The following SUMF1 variants were observed in gnomAD, a reference collection of about 807,000 sequenced individuals.
SUMF1 encodes formylglycine-generating enzyme.
Under a neutral mutation model 47.6 loss-of-function variants are expected in SUMF1, and 48 were observed. The ratio of observed to expected loss-of-function variants is 1.01; its 90% CI spans 0.80 to 1.28. SUMF1 has a LOEUF of 1.28. Among genes scored for constraint, SUMF1 ranks in the 50% most tolerant of loss-of-function variants. The pLI, the probability that SUMF1 is intolerant of heterozygous loss-of-function variation, is 0.00. For synonymous variants in SUMF1, 230 were observed against 192.1 expected, an observed-to-expected ratio of 1.20 and a Z score of -1.63; for missense variants, 571 against 485.4, an observed-to-expected ratio of 1.18 and a Z score of -1.66.
At chr3:4,399,768 CT>C (rs1559274085) in intron 7 of SUMF1, among the ~76,000 whole-genome samples, 1 of 152,060 alleles carries the variant, frequency 6.6e-6, no homozygotes, top group African/African-American at 2.4e-5. Context: ...TCTTGTTTTT[CT>C]TTTTTTGAGA....
intron 8 of SUMF1, among the ~76,000 whole-genome samples, chr3:4,334,307 T>A (rs992308330): frequency 6.6e-6 from 1 of 152,208 alleles, no homozygotes; most frequent in Non-Finnish European, 1.5e-5. Flanking sequence ...AACGGTTGAT[T>A]TTTTTGCTTT....
chr3:4,204,816 G>T (rs1286003352), intron 8 of SUMF1, among the ~76,000 whole-genome samples: 1 of 117,176 alleles, frequency 8.5e-6, no homozygotes, highest in East Asian at 2.4e-4. Flanking sequence ...TCAGCTCCAG[G>T]ATCTCTGCTT....
intron 8 of SUMF1, among the ~76,000 whole-genome samples, chr3:4,089,611 C>T (rs745859991): frequency 9.2e-5 from 14 of 152,056 alleles, no homozygotes; most frequent in Non-Finnish European, 1.6e-4. Context: ...GGATAAAAAA[C>T]TAAATTGCAG....
chr3:4,059,974 G>C (rs1266634464), intron 9 of SUMF1, among the ~76,000 whole-genome samples: 1 of 152,244 alleles, frequency 6.6e-6, no homozygotes, highest in East Asian at 1.9e-4. Flanking sequence ...ACTGAAAGAA[G>C]GTGCAGGAAG....
intron 8 of SUMF1, among the ~76,000 whole-genome samples, chr3:4,218,208 T>C (rs1695980832): frequency 1.3e-5 from 2 of 152,044 alleles, no homozygotes; most frequent in Admixed American, 6.6e-5. Flanking sequence ...ATCAACCCTG[T>C]CAACCGAACA....
chr3:4,111,937 A>G (rs1206571240), intron 8 of SUMF1, among the ~76,000 whole-genome samples: 1 of 152,120 alleles, frequency 6.6e-6, no homozygotes, highest in Non-Finnish European at 1.5e-5. Flanking sequence ...TTAAAGAAAA[A>G]GTTGGTCACA....
intron 3 of SUMF1, among the ~76,000 whole-genome samples, chr3:4,422,756 C>T (rs909084491): frequency 1.3e-5 from 2 of 151,774 alleles, no homozygotes; most frequent in Admixed American, 1.3e-4. Context: ...ATTTCCTACC[C>T]TCTTTTCTTC....
intron 8 of SUMF1, among the ~76,000 whole-genome samples, chr3:4,259,431 T>C (rs1348483759): frequency 1.3e-5 from 2 of 152,314 alleles, no homozygotes; most frequent in East Asian, 3.9e-4. Flanking sequence ...TTATATAAGA[T>C]CATATGATCA....
intron 8 of SUMF1, among the ~76,000 whole-genome samples, chr3:4,290,109 T>C (rs990703084): frequency 3.3e-5 from 5 of 152,318 alleles, no homozygotes; most frequent in African/African-American, 1.2e-4. Context: ...TTAATCACAA[T>C]GAAACTTAAA....
intron 3 of SUMF1, among the ~76,000 whole-genome samples, chr3:4,428,144 A>G (rs1187019246): frequency 6.6e-6 from 1 of 152,226 alleles, no homozygotes; most frequent in Non-Finnish European, 1.5e-5. Flanking sequence ...CTGAAAAAAT[A>G]AAATTTGAAT....
At chr3:4,421,910 A>C (rs910937385) in intron 3 of SUMF1, among the ~76,000 whole-genome samples, 3 of 152,222 alleles carry the variant, frequency 2.0e-5, no homozygotes, top group African/African-American at 7.2e-5. Context: ...TTAAGGGAGA[A>C]TATGTCCCTG....
intron 9 of SUMF1, among the ~76,000 whole-genome samples, chr3:4,045,284 T>C (rs559150860): frequency 6.6e-6 from 1 of 151,954 alleles, no homozygotes; most frequent in East Asian, 2.0e-4. Context: ...AGTTCTAGCC[T>C]CCCCCTCCTA....
chr3:4,431,906 G>T (rs1425936029), intron 3 of SUMF1, among the ~76,000 whole-genome samples: 1 of 152,138 alleles, frequency 6.6e-6, no homozygotes, highest in Non-Finnish European at 1.5e-5. Flanking sequence ...TCTATGAATA[G>T]ATGGTCCCAC....
intron 8 of SUMF1, among the ~76,000 whole-genome samples, chr3:4,253,501 G>A (rs1000986709): frequency 2.0e-5 from 3 of 151,968 alleles, no homozygotes; most frequent in South Asian, 2.1e-4. Context: ...AAGGGGTGAC[G>A]GACGCACCTG....
intron 8 of SUMF1, among the ~76,000 whole-genome samples, chr3:4,101,365 C>T (rs1262750399): frequency 6.6e-6 from 1 of 151,970 alleles, no homozygotes; most frequent in Non-Finnish European, 1.5e-5. Context: ...ACCTAGAGGG[C>T]CTGCATTATA....
intron 8 of SUMF1, among the ~76,000 whole-genome samples, chr3:4,114,440 C>T (rs1312150682): frequency 6.6e-6 from 1 of 152,156 alleles, no homozygotes; most frequent in African/African-American, 2.4e-5. Flanking sequence ...ACAGCTTCAT[C>T]AAAGGTTAAG....
At position 4,378,837 on chromosome 3, in the gene SUMF1, G is replaced by C. The variant is rs544388267; in HGVS notation, c.955-2448C>G. 5.9e-5 allele frequency among the ~76,000 whole-genome samples: 9 copies of C among 152,322 alleles called. No individual in the cohort carries two copies. In the South Asian group the frequency reaches 1.4e-3, roughly 25 times the overall value. The stretch of plus-strand genomic sequence containing the variant: ...CAAATTGTGATTCAAGTCTCTCCCA[G>C]TATCTGCTAGCGTGCAATTTAGACT... On this transcript the variant is annotated intron_variant, in intron 7 of 8. Transcript: ENST00000272902.
Position 4,387,923 on chromosome 3 carries a change from G to A in SUMF1, c.955-11534C>T, listed in dbSNP as rs774907478. On this transcript the variant is annotated intron_variant, in intron 7 of 8. Transcript: ENST00000272902. ...TGATTTCTAGTTTGATTCTATTGTG[G>A]TTGGAGAACACATTCTGTATGTCTT... Among the ~76,000 whole-genome samples, 14 of 152,118 alleles carry A rather than the reference G, an allele frequency of 9.2e-5. 1 individual carries two copies. In the South Asian group the frequency reaches 1.2e-3, roughly 14 times the overall value.
At position 4,362,229 on chromosome 3, in the gene SUMF1, G is replaced by T. The variant is rs200901985; in HGVS notation, c.1040C>A (p.Ala347Asp). 5 of 1,614,062 alleles carry T rather than the reference G, an allele frequency of 3.1e-6. No individual in the cohort carries two copies. Residue 347 changes from alanine (A) to aspartate (D), a missense_variant, in exon 9 of 9, where the codon GCT (alanine) becomes GAT (aspartate). Transcript: ENST00000272902. ...HRSYCYRYRC[A>D]ARSQNTPDSS... ...ATCAGGTGTGTTCTGGCTCCGAGCA[G>T]CACAGCGATACCTGTAACAATAAGA...
Sources: allele counts gnomAD v4.1 joint callset (sites outside exome capture counted in the v4.1 genomes callset), GRCh38; gene constraint gnomAD v4.1.1; transcripts MANE v1.5; gene names NCBI Gene and HGNC (gene_info 2026-07-23, HGNC 2026-07-21).